The following ZNF467 variants were observed in gnomAD, a reference collection of about 807,000 sequenced individuals.
ZNF467 encodes the protein zinc finger protein 467.
ZNF467 carries 51 observed loss-of-function variants against 47.8 expected under a neutral mutation model. That is an observed-to-expected ratio of 1.07 (90% confidence interval 0.85 to 1.35). The LOEUF (loss-of-function observed/expected upper bound fraction) is 1.35, where lower values mean the gene tolerates loss of function less well. Ranked by LOEUF, ZNF467 falls within the 40% of genes most tolerant of loss-of-function variation. ZNF467 has a pLI of 0.00. For missense variants in ZNF467, 992 were observed against 858.1 expected (o/e 1.16, Z -1.95); for synonymous variants, 416 against 372.9 (o/e 1.12, Z -1.33).
chr7:149,765,641 C>T lies in ZNF467; in HGVS notation c.861G>A (p.Leu287=), dbSNP rs1476313460. 6.2e-7 allele frequency: 1 copy of T among 1,610,292 alleles called. No homozygotes were observed. Among genetic ancestry groups the T allele is most frequent in the Non-Finnish European group, 8.5e-7 (1 of 1,178,580 alleles). Residue 287 remains leucine, a synonymous_variant, in exon 5 of 5, where the codon TTG becomes TTA. Transcript: ENST00000302017. ...CCGTATGGATGCGCTGGTGCCGAAT[C>T]AAGTGCGTCTTCTTGCGAAAGCGCT... The part of the protein sequence containing the change: ...CEKRFRKKTH[L]IRHQRIHTGE...
Position 149,764,958 on chromosome 7 carries a change from TG to T in ZNF467, c.1543del (p.His515ThrfsTer16). The part of the protein sequence containing the change: ...HQAVHTGSRP[H>X]ACAVCARSFS... ...GCTGCGGGCGCAGACGGCGCAGGCG[TG>T]GGGGCGGCTGCCAGTGTGCACCGCC... On this transcript the variant is annotated frameshift_variant, in exon 5 of 5. Transcript: ENST00000302017. LOFTEE classifies it high-confidence loss of function. The T allele has an allele frequency of 1.9e-6, 3 of 1,587,462 alleles. No homozygotes were observed. The highest frequency in any genetic ancestry group is 1.4e-5 in the African/African-American group (1 of 73,852).
Position 149,765,734 on chromosome 7 carries a change from C to A in ZNF467, c.768G>T (p.Lys256Asn), listed in dbSNP as rs746356447. Residue 256 changes from lysine (K) to asparagine (N), a missense_variant, in exon 5 of 5, where the codon AAG (lysine) becomes AAT (asparagine). Transcript: ENST00000302017. ...CAECGKRFSQ[K>N]IHLGSHQKTH... The stretch of plus-strand genomic sequence containing the variant: ...TCTTTTGGTGCGAGCCCAGGTGGAT[C>A]TTCTGGCTGAAGCGCTTGCCGCACT... 8 of 1,613,506 alleles carry A rather than the reference C, an allele frequency of 5.0e-6. No individual in the cohort carries two copies. Among genetic ancestry groups the A allele is most frequent in the Non-Finnish European group, 6.8e-6 (8 of 1,179,808 alleles).
At chr7:149,771,979 T>A (rs1308596369) in intron 1 of ZNF467, among the ~76,000 whole-genome samples, 2 of 105,580 alleles carry the variant, frequency 1.9e-5, no homozygotes, top group Non-Finnish European at 3.9e-5. Context: ...CCTCCCCCTC[T>A]CAGACTCCAG....
upstream of ZNF467, among the ~76,000 whole-genome samples, chr7:149,775,132 G>T (rs1799539770): frequency 6.6e-6 from 1 of 152,156 alleles, no homozygotes; most frequent in Non-Finnish European, 1.5e-5. Context: ...AGGGCTGGGG[G>T]AGCTGGCTCC....
chr7:149,773,653 T>G (rs41555), upstream of ZNF467, among the ~76,000 whole-genome samples: 54 of 25,626 alleles, frequency 2.1e-3, no homozygotes, highest in South Asian at 4.1e-3. Flanking sequence ...GGTGGGGGGG[T>G]GGCGGGGAGG....
chr7:149,770,993 G>C lies in ZNF467; in HGVS notation c.34+6C>G, dbSNP rs950405687. 3 of 1,614,028 alleles carry C rather than the reference G, an allele frequency of 1.9e-6. No homozygotes were observed. Among genetic ancestry groups the C allele is most frequent in the Admixed American group, 3.3e-5 (2 of 60,020 alleles). Reference sequence around the variant, plus strand: ...TCCCCAAGTCCCTTCATTTCTGCCAGCTCACCCAGGGAGCTGAGGGCCTCC... The same window carrying C: ...TCCCCAAGTCCCTTCATTTCTGCCACCTCACCCAGGGAGCTGAGGGCCTCC... On this transcript the variant is annotated splice_donor_region_variant and intron_variant, in intron 2 of 4. Transcript: ENST00000302017.
At chr7:149,770,978 C>T in intron 2 of ZNF467, 21 bp downstream of exon 2, 5 of 1,614,014 alleles carry the variant, frequency 3.1e-6, no homozygotes, top group Non-Finnish European at 4.2e-6. Context: ...TCCCCAAGTC[C>T]CTTCATTTCT....
chr7:149,766,122 A>T lies in ZNF467; in HGVS notation c.380T>A (p.Leu127Gln), dbSNP rs1316933776. ...LLPSPFPAPDLGHLAAAYKLE... is the reference protein window; with the variant it reads ...LLPSPFPAPDQGHLAAAYKLE... ...TTTGTACGCGGCAGCCAGATGCCCCAGGTCAGGCGCGGGAAAGGGGCTGGG... is the reference window on the plus strand; with the variant it reads ...TTTGTACGCGGCAGCCAGATGCCCCTGGTCAGGCGCGGGAAAGGGGCTGGG... Residue 127 changes from leucine to glutamine, a missense_variant, in exon 5 of 5, where the codon CTG becomes CAG. Coordinates refer to ENST00000302017, the MANE Select transcript of ZNF467 (RefSeq NM_207336.3). 2 of 1,605,992 alleles carry T rather than the reference A, an allele frequency of 1.2e-6. No homozygotes were observed. The highest frequency in any genetic ancestry group is 2.7e-5 in the African/African-American group (2 of 74,698).
chr7:149,771,796 T>C (rs1479025936), intron 1 of ZNF467, among the ~76,000 whole-genome samples: 2 of 125,672 alleles, frequency 1.6e-5, no homozygotes, highest in East Asian at 2.7e-4. Context: ...CCTTCCGCCC[T>C]CTCTCCCCTG....
At chr7:149,771,906 G>C (rs1799427263) in intron 1 of ZNF467, among the ~76,000 whole-genome samples, 1 of 141,974 alleles carries the variant, frequency 7.0e-6, no homozygotes, top group African/African-American at 2.7e-5. Flanking sequence ...CGTCCGGGTC[G>C]GCCCTCCGCT....
intron 4 of ZNF467, 87 bp from the exon 5 acceptor site, chr7:149,766,326 G>A (rs1799220569): frequency 2.0e-6 from 3 of 1,494,590 alleles, no homozygotes; most frequent in Admixed American, 2.4e-5. Context: ...CTGGAGCCCC[G>A]CGGTCTGGCT....
chr7:149,774,996 C>G (rs1035798841), upstream of ZNF467, among the ~76,000 whole-genome samples: 3 of 152,066 alleles, frequency 2.0e-5, no homozygotes, highest in African/African-American at 7.2e-5. This position sits in a 1 kb window ranked among gnomAD's most constrained non-coding sequence, Gnocchi z 5.7. Flanking sequence ...TGCATTCCAG[C>G]CCGGGTGTCC....
At chr7:149,776,510 G>T, upstream of ZNF467, 1 of 1,312,186 alleles carries the variant, frequency 7.6e-7, no homozygotes, top group Non-Finnish European at 1.0e-6. Context: ...CCAGCGCCTG[G>T]GCTCTGTCCT....
In ZNF467 at chr7:149,769,468, T is replaced by C. The variant is rs1037311588; in HGVS notation, c.152-268A>G. Among the ~76,000 whole-genome samples, 3 of 152,078 alleles carry C rather than the reference T, an allele frequency of 2.0e-5. No individual in the cohort carries two copies. Among genetic ancestry groups the C allele is most frequent in the Non-Finnish European group, 4.4e-5 (3 of 68,010 alleles). On this transcript the variant is annotated intron_variant, in intron 3 of 4. Transcript: ENST00000302017. This position sits in a 1 kb window ranked among gnomAD's most constrained non-coding sequence, Gnocchi z 5.3. ...ACCACTGTGAAGAGTTCCTGGAATA[T>C]GTGTATGTAAGACAGTGGAAGCAAG...
chr7:149,767,593 C>T (rs541270730), intron 4 of ZNF467, among the ~76,000 whole-genome samples: 2 of 152,294 alleles, frequency 1.3e-5, no homozygotes, highest in African/African-American at 4.8e-5. Context: ...GCTCTGTCTC[C>T]CAGGCTGGAG....
rs771487182 is a variant in ZNF467 at position 149,766,106 on chromosome 7, G to A, written c.396C>T (p.Ala132=). 6.2e-5 allele frequency: 100 copies of A among 1,609,504 alleles called. No homozygotes were observed. The highest frequency in any genetic ancestry group is 8.4e-5 in the Non-Finnish European group (99 of 1,177,312). The change falls in exon 5 of 5, where the codon GCC becomes GCT. Residue 132 remains alanine, a synonymous_variant. Transcript: ENST00000302017. ...GGGCCCCTGGCTCCAGTTTGTACGC[G>A]GCAGCCAGATGCCCCAGGTCAGGCG... ...FPAPDLGHLA[A]AYKLEPGAPG...
rs1485880076 is a variant in ZNF467, at chr7:149,764,454, G to T, written c.*260C>A. The T allele has an allele frequency of 4.5e-6, 3 of 668,378 alleles. No individual in the cohort carries two copies. The highest frequency in any genetic ancestry group is 8.0e-6 in the Non-Finnish European group (3 of 375,248). 41.4% of individuals were successfully genotyped at this position (668,378 alleles called of 1,614,324 possible). A position where few individuals can be genotyped will look rare whatever the true frequency, so the allele number is the denominator to read the frequency against. On this transcript the variant is annotated 3_prime_UTR_variant, in exon 5 of 5. Transcript: ENST00000302017. The stretch of plus-strand genomic sequence containing the variant: ...GCCGCGCTGGGTCCGGGAAATATCT[G>T]CTTTCCAACGGGGCACCTGGGTGGG...
Position 149,765,237 on chromosome 7 carries a change from TGG to T in ZNF467, c.1263_1264del (p.Gln422AlafsTer43). ...GGACCGCTCGCCCGAGGGGGCGCGC[TGG>T]GGCACCACGGGATCGGATCCTGGGC... is the stretch of plus-strand genomic sequence containing the variant. On this transcript the variant is annotated frameshift_variant, in exon 5 of 5. Coordinates refer to ENST00000302017, the MANE Select transcript of ZNF467 (RefSeq NM_207336.3). LOFTEE classifies it high-confidence loss of function. The T allele has an allele frequency of 6.8e-7, 1 of 1,473,866 alleles. No homozygotes were observed. 91.3% of individuals were successfully genotyped at this position (1,473,866 alleles called of 1,614,324 possible).
Position 149,765,287 on chromosome 7 carries a change from G to T in ZNF467, c.1215C>A (p.Ser405Arg), listed in dbSNP as rs746064940. 1.2e-4 allele frequency: 176 copies of T among 1,464,352 alleles called. No homozygotes were observed. Among genetic ancestry groups the T allele is most frequent in the Non-Finnish European group, 1.5e-4 (169 of 1,107,644 alleles). 90.7% of individuals were successfully genotyped at this position (1,464,352 alleles called of 1,614,324 possible). ...VDAPAAKPLA[S>R]APGGPGCGPG... The stretch of plus-strand genomic sequence containing the variant: ...GGCCGCAGCCCGGTCCGCCAGGCGC[G>T]CTGGCCAGGGGCTTGGCGGCGGGGG... The change falls in exon 5 of 5, where the codon AGC becomes AGA. Residue 405 changes from serine (S) to arginine (R), a missense_variant. Physicochemically the swap from Ser to Arg is moderately radical, Grantham distance 110. Transcript: ENST00000302017.
Sources: allele counts gnomAD v4.1 joint callset (sites outside exome capture counted in the v4.1 genomes callset), GRCh38; gene constraint gnomAD v4.1.1; non-coding constraint Gnocchi (gnomAD v3.1); transcripts MANE v1.5; gene names NCBI Gene and HGNC (gene_info 2026-07-23, HGNC 2026-07-21).